Variants in PDZD4 observed in about 807,000 individuals in gnomAD.
PDZD4 encodes PDZ domain-containing protein 4.
PDZD4 carries 9 observed loss-of-function variants against 38.5 expected under a neutral mutation model. The observed-to-expected ratio is 0.23, with a 90% CI of 0.14 to 0.41. PDZD4 has a LOEUF of 0.41. PDZD4 is among the 10% of genes least tolerant of loss of function. The probability of loss-of-function intolerance (pLI) is 1.00; values close to 1 mark genes in which losing one functional copy is unlikely to be tolerated. For missense variants in PDZD4, 612 were observed against 722.0 expected (o/e 0.85, Z 1.75); for synonymous variants, 349 against 315.7 (o/e 1.11, Z -1.12).
At position 153,808,450 on chromosome X, in the gene PDZD4, T is replaced by TC; in HGVS notation, c.205dup (p.Asp69GlyfsTer36). 8.3e-7 allele frequency: 1 copy of TC among 1,211,349 alleles called. No individual in the cohort carries two copies. Among genetic ancestry groups the TC allele is most frequent in the Non-Finnish European group, 1.1e-6 (1 of 895,492 alleles). ...GGTGATGTCGGTCTGAGTGCCACTG[T>TC]CCACCAGCTGCAGGTCGTGACAGGA... On this transcript the variant is annotated frameshift_variant, in exon 2 of 8. Coordinates refer to ENST00000393758, the MANE Select transcript of PDZD4 (RefSeq NM_001303512.2). LOFTEE classifies it high-confidence loss of function.
intron 1 of PDZD4, among the ~76,000 whole-genome samples, chrX:153,827,116 C>CT (rs1485234340): frequency 3.1e-4 from 35 of 111,991 alleles, no homozygotes; most frequent in African/African-American, 1.1e-3. Context: ...GTGGCGCTGG[C>CT]TTAAGAACAG....
intron 1 of PDZD4, among the ~76,000 whole-genome samples, chrX:153,820,398 T>C (rs60533553): frequency 0.018 from 1,700 of 96,332 alleles, 44 homozygotes; most frequent in African/African-American, 0.064. Context: ...GTGCAGCCTA[T>C]GGTCCCAGCT....
In PDZD4 at chrX:153,808,359, C is replaced by G. The variant is rs782237699; in HGVS notation, c.297G>C (p.Pro99=). Residue 99 remains proline, a synonymous_variant, in exon 2 of 8, where the codon CCG becomes CCC. Coordinates refer to ENST00000393758, the MANE Select transcript of PDZD4 (RefSeq NM_001303512.2). The part of the protein sequence containing the change: ...PPTPPMVILE[P]YVLSELPPIS... ...CGACTCACAGCTCAGAGAGGACGTA[C>G]GGCTCCAGGATGACCATGGGCGGGG... 14 of 1,207,405 alleles carry G rather than the reference C, an allele frequency of 1.2e-5. No individual in the cohort carries two copies. In the South Asian group the frequency reaches 1.8e-4, roughly 15 times the overall value.
intron 1 of PDZD4, among the ~76,000 whole-genome samples, chrX:153,828,431 G>C (rs1429525180): frequency 8.8e-6 from 1 of 113,200 alleles, no homozygotes; most frequent in East Asian, 2.8e-4. Context: ...AAAGCGCACA[G>C]AGGGCGCATG....
At chrX:153,815,023 T>A (rs781992908) in intron 1 of PDZD4, among the ~76,000 whole-genome samples, 10 of 112,802 alleles carry the variant, frequency 8.9e-5, no homozygotes, top group African/African-American at 3.2e-4. Flanking sequence ...AAGATGAAAA[T>A]ACAAGTCCCT....
intron 1 of PDZD4, among the ~76,000 whole-genome samples, chrX:153,824,866 C>T (rs1039748756): frequency 2.7e-5 from 3 of 111,792 alleles, no homozygotes; most frequent in Non-Finnish European, 5.7e-5. Flanking sequence ...GGCATGGTGG[C>T]GCATGCCTGT....
At chrX:153,826,578 T>G (rs189683621) in intron 1 of PDZD4, among the ~76,000 whole-genome samples, 2 of 109,889 alleles carry the variant, frequency 1.8e-5, no homozygotes, top group East Asian at 5.7e-4. Flanking sequence ...CCCGTTAATT[T>G]TTTTTGTATT....
At chrX:153,830,061 G>T (rs1557083417) in intron 1 of PDZD4, 178 bp downstream of exon 1, 5 of 574,089 alleles carry the variant, frequency 8.7e-6, no homozygotes, top group African/African-American at 5.0e-5. Flanking sequence ...CCCCACCCGT[G>T]GCTGGTTCCC....
At position 153,830,334 on chromosome X, in the gene PDZD4, C is replaced by A; in HGVS notation, c.-36G>T. ...GGCGAGAGGAGGCGGAGGGCGGGAACGGGAAGACGCCTTTCACTGACCCGG... is the reference window on the plus strand; with the variant it reads ...GGCGAGAGGAGGCGGAGGGCGGGAAAGGGAAGACGCCTTTCACTGACCCGG... On this transcript the variant is annotated 5_prime_UTR_variant, in exon 1 of 8. Transcript: ENST00000393758. 8.5e-7 allele frequency: 1 copy of A among 1,170,003 alleles called. No homozygotes were observed.
rs138452536 is a variant in PDZD4 at position 153,804,520 on chromosome X, G to C, written c.1161C>G (p.Ser387=). The change falls in exon 8 of 8, where the codon TCC becomes TCG. Residue 387 remains serine, a synonymous_variant. Coordinates refer to ENST00000393758, the MANE Select transcript of PDZD4 (RefSeq NM_001303512.2). ...TGACGTCCAGGGCGCTGTTGCCTCC[G>C]GAGGCCCGGGGAAAGAGGAGGCCCA... ...NQLGLLFPRA[S]GGNSALDVNR... 4 of 1,209,728 alleles carry C rather than the reference G, an allele frequency of 3.3e-6. No homozygotes were observed. The highest frequency in any genetic ancestry group is 3.5e-5 in the South Asian group (2 of 56,955).
intron 2 of PDZD4, 76 bp downstream of exon 2, chrX:153,808,262 AGGGT>A: frequency 9.0e-7 from 1 of 1,113,885 alleles, no homozygotes; most frequent in African/African-American, 1.8e-5. Context: ...CCTGCCCGAG[AGGGT>A]GGCGTGCGGA....
chrX:153,808,132 C>A, intron 2 of PDZD4: 1 of 1,073,299 alleles, frequency 9.3e-7, no homozygotes, highest in Non-Finnish European at 1.2e-6. Flanking sequence ...GAGGGTCCTC[C>A]CTCGGCCCTG....
At chrX:153,822,455 G>T (rs1425149263) in intron 1 of PDZD4, among the ~76,000 whole-genome samples, 2 of 111,517 alleles carry the variant, frequency 1.8e-5, no homozygotes, top group African/African-American at 6.5e-5. Flanking sequence ...CCTCTGCAGC[G>T]TTTTTCATTC....
intron 3 of PDZD4, 131 bp downstream of exon 3, chrX:153,807,148 C>T (rs1231349321): frequency 4.7e-6 from 3 of 636,200 alleles, no homozygotes; most frequent in Admixed American, 3.3e-5. Flanking sequence ...CGTAACCTCA[C>T]CCGCACCCTC....
chrX:153,805,967 G>A (rs1435648901), intron 5 of PDZD4, 104 bp downstream of exon 5: 18 of 896,577 alleles, frequency 2.0e-5, no homozygotes, highest in Non-Finnish European at 2.4e-5. Context: ...GGGCCTCAGG[G>A]TTAGCTCTTA....
chrX:153,802,953 C>G lies in PDZD4; in HGVS notation c.*400G>C, dbSNP rs1312481329. 1 of 136,596 alleles carries G rather than the reference C, an allele frequency of 7.3e-6. No homozygotes were observed. Among genetic ancestry groups the G allele is most frequent in the African/African-American group, 3.1e-5 (1 of 32,254 alleles). 11.3% of individuals were successfully genotyped at this position (136,596 alleles called of 1,213,427 possible). ...GCTCAGCAGCGAAGCCGGACACTCT[C>G]TTGTGCTCCTTTCAGCTCAGCTTCC... On this transcript the variant is annotated 3_prime_UTR_variant, in exon 8 of 8. Transcript: ENST00000393758.
chrX:153,806,211 C>T, intron 4 of PDZD4, 78 bp from the exon 5 acceptor site: 1 of 1,029,307 alleles, frequency 9.7e-7, no homozygotes, highest in Non-Finnish European at 1.4e-6. Context: ...ACCTCAGGGG[C>T]CCCCAAAGCA....
chrX:153,805,430 C>A, intron 6 of PDZD4, 75 bp downstream of exon 6: 2 of 836,160 alleles, frequency 2.4e-6, no homozygotes, highest in South Asian at 4.2e-5. Context: ...CATCTGTGCC[C>A]TAGTCACGGC....
chrX:153,808,796 A>G (rs1292046763), intron 1 of PDZD4, among the ~76,000 whole-genome samples: 1 of 112,542 alleles, frequency 8.9e-6, no homozygotes, highest in Non-Finnish European at 1.9e-5. Context: ...CCTTCATCCC[A>G]CTGAAGGCCA....
Sources: allele counts gnomAD v4.1 joint callset (sites outside exome capture counted in the v4.1 genomes callset), GRCh38; gene constraint gnomAD v4.1.1; transcripts MANE v1.5; gene names NCBI Gene and HGNC (gene_info 2026-07-23, HGNC 2026-07-21).